The following ATP7B variants were observed in gnomAD, a reference collection of about 807,000 sequenced individuals.
ATP7B encodes the protein ATPase copper transporting beta, also known as copper-transporting ATPase 2.
ATP7B carries 113 observed loss-of-function variants against 118.9 expected under a neutral mutation model. The observed-to-expected ratio is 0.95, with a 90% CI of 0.82 to 1.11. ATP7B has a LOEUF of 1.11. Ranked by LOEUF, ATP7B falls within the 50% of genes most tolerant of loss-of-function variation. ATP7B has a pLI of 0.00. For missense variants in ATP7B, 1,867 were observed against 1,871.4 expected (o/e 1.00, Z 0.04); for synonymous variants, 777 against 727.4 (o/e 1.07, Z -1.10).
intron 1 of ATP7B, among the ~76,000 whole-genome samples, chr13:51,988,514 T>C (rs947464525): frequency 6.6e-6 from 1 of 152,202 alleles, no homozygotes. Context: ...CTCAAGGATC[T>C]AGAACCAGAA....
At chr13:51,972,267 C>G (rs1399198349) in intron 2 of ATP7B, among the ~76,000 whole-genome samples, 1 of 152,180 alleles carries the variant, frequency 6.6e-6, no homozygotes, top group Non-Finnish European at 1.5e-5. Context: ...AATGGCCTCC[C>G]CTAGTTAACC....
chr13:51,985,394 C>T (rs1952607640), intron 1 of ATP7B, among the ~76,000 whole-genome samples: 1 of 152,204 alleles, frequency 6.6e-6, no homozygotes, highest in Non-Finnish European at 1.5e-5. Context: ...GCACCCAATA[C>T]AGGAACACCC....
intron 1 of ATP7B, 75 bp from the exon 2 acceptor site, chr13:51,975,243 T>C: frequency 3.8e-6 from 6 of 1,561,904 alleles, no homozygotes; most frequent in Non-Finnish European, 5.3e-6. Flanking sequence ...TCTCTGGCAC[T>C]GAGAAAATGG....
At chr13:51,970,857 C>T (rs1190360486) in intron 2 of ATP7B, 108 bp from the exon 3 acceptor site, 26 of 1,059,332 alleles carry the variant, frequency 2.5e-5, no homozygotes, top group Admixed American at 4.2e-5. Flanking sequence ...CGGCTCCCAC[C>T]GAGCAGCCTC....
intron 8 of ATP7B, 168 bp downstream of exon 8, chr13:51,958,143 C>T (rs1958474621): frequency 2.7e-6 from 2 of 747,532 alleles, no homozygotes; most frequent in African/African-American, 1.8e-5. Context: ...AAGTAGTGAC[C>T]AATTTGGAGA....
Position 51,970,662 on chromosome 13 carries a change from T to TC in ATP7B, c.1372dup (p.Glu458GlyfsTer48). On this transcript the variant is annotated frameshift_variant, in exon 3 of 21. Transcript: ENST00000242839. LOFTEE classifies it high-confidence loss of function. Reference sequence around the variant, plus strand: ...GAGCCTCCCAGTGTGGGGAGCCACTTCCTGCACAGATGTAGGTGTACCATC... The same window carrying TC: ...GAGCCTCCCAGTGTGGGGAGCCACTTCCCTGCACAGATGTAGGTGTACCATC... 6.2e-7 allele frequency: 1 copy of TC among 1,614,192 alleles called. No individual in the cohort carries two copies. Among genetic ancestry groups the TC allele is most frequent in the Non-Finnish European group, 8.5e-7 (1 of 1,180,020 alleles).
chr13:51,960,653 G>A (rs563700239), intron 6 of ATP7B, among the ~76,000 whole-genome samples: 38 of 152,256 alleles, frequency 2.5e-4, no homozygotes, highest in African/African-American at 8.9e-4. Context: ...TACCATCCTC[G>A]GCCTATGGTT....
At chr13:51,976,482 G>A (rs1245316885) in intron 1 of ATP7B, among the ~76,000 whole-genome samples, 1 of 152,216 alleles carries the variant, frequency 6.6e-6, no homozygotes, top group Non-Finnish European at 1.5e-5. Context: ...GAATAATTAA[G>A]TAATTTGGGG....
chr13:51,982,280 T>G (rs1266248060), intron 1 of ATP7B, among the ~76,000 whole-genome samples: 1 of 152,244 alleles, frequency 6.6e-6, no homozygotes, highest in Non-Finnish European at 1.5e-5. Flanking sequence ...TGTTTAAATA[T>G]CTGTCTTTCC....
At chr13:52,010,458 CA>C (rs1270801466) in intron 1 of ATP7B, among the ~76,000 whole-genome samples, 7 of 152,168 alleles carry the variant, frequency 4.6e-5, no homozygotes, top group African/African-American at 1.7e-4. Context: ...AAAAAAGTAG[CA>C]AACAGAACGT....
intron 5 of ATP7B, among the ~76,000 whole-genome samples, chr13:51,963,438 C>T (rs1958879780): frequency 6.6e-6 from 1 of 151,952 alleles, no homozygotes; most frequent in South Asian, 2.1e-4. Flanking sequence ...ATTTCCATGT[C>T]AAAAAGCTTT....
chr13:51,987,242 T>G (rs1283222429), intron 1 of ATP7B, among the ~76,000 whole-genome samples: 1 of 152,204 alleles, frequency 6.6e-6, no homozygotes, highest in Admixed American at 6.5e-5. Flanking sequence ...AAAATCAATG[T>G]GCAAAAATCA....
intron 12 of ATP7B, 168 bp from the exon 13 acceptor site, chr13:51,946,646 C>T (rs1593682621): frequency 1.3e-6 from 1 of 743,294 alleles, no homozygotes; most frequent in South Asian, 1.6e-5. Context: ...GAACACGTTA[C>T]TGCTCTCCAC....
rs768698497 is a variant in ATP7B at position 51,974,205 on chromosome 13, T to C, written c.1015A>G (p.Arg339Gly). Reference sequence around the variant, plus strand: ...CCAGGGGAATGAGAACTGGAAGACCTGTGATCTGTCCCACTCCCTTCGGCT... The same window carrying C: ...CCAGGGGAATGAGAACTGGAAGACCCGTGATCTGTCCCACTCCCTTCGGCT... ...DGAEGSGTDH[R>G]SSSSHSPGSP... The change falls in exon 2 of 21, where the codon AGG (arginine) becomes GGG (glycine). Residue 339 changes from arginine to glycine, a missense_variant. Transcript: ENST00000242839. The C allele has an allele frequency of 6.8e-6, 11 of 1,613,778 alleles. No homozygotes were observed. The Admixed American group carries it at 1.7e-4, about 24-fold the overall frequency.
intron 3 of ATP7B, 141 bp downstream of exon 3, chr13:51,970,351 A>T: frequency 8.4e-7 from 1 of 1,191,312 alleles, no homozygotes; most frequent in Non-Finnish European, 1.2e-6. Flanking sequence ...CAAGGACATT[A>T]GACAAACATT....
At chr13:52,011,685 C>CA (rs916066174), upstream of ATP7B, among the ~76,000 whole-genome samples, 13 of 152,248 alleles carry the variant, frequency 8.5e-5, no homozygotes, top group African/African-American at 2.9e-4. Context: ...GCCGGTGCCA[C>CA]AGTGTTCTCT....
intron 1 of ATP7B, among the ~76,000 whole-genome samples, chr13:51,996,992 C>A (rs917507045): frequency 2.0e-5 from 3 of 152,230 alleles, no homozygotes; most frequent in African/African-American, 7.2e-5. Context: ...AGGCCTTGAG[C>A]CCCAACCCTA....
Position 51,958,474 on chromosome 13 carries a change from A to G in ATP7B, c.2192T>C (p.Val731Ala). The change falls in exon 8 of 21, where the codon GTG becomes GCG. Residue 731 changes from valine (V) to alanine (A), a missense_variant. Val to Ala is a moderately conservative substitution (Grantham distance 64). Coordinates refer to ENST00000242839, the MANE Select transcript of ATP7B (RefSeq NM_000053.4). ...SLRHRSANMDVLIVLATSIAY... is the reference protein window; with the variant it reads ...SLRHRSANMDALIVLATSIAY... ...AATGCTTGTGGCCAGGACGATGAGC[A>G]CGTCCATGTTGGCTGACCTGTGTCT... 6.2e-7 allele frequency: 1 copy of G among 1,614,248 alleles called. No homozygotes were observed. The highest frequency in any genetic ancestry group is 8.5e-7 in the Non-Finnish European group (1 of 1,180,044).
At chr13:51,938,961 T>C (rs1402965735) in intron 17 of ATP7B, 90 bp downstream of exon 17, 2 of 1,591,042 alleles carry the variant, frequency 1.3e-6, no homozygotes, top group Non-Finnish European at 1.7e-6. Flanking sequence ...AGAGCAGGAG[T>C]ACAGCTCAGT....
Sources: allele counts gnomAD v4.1 joint callset (sites outside exome capture counted in the v4.1 genomes callset), GRCh38; gene constraint gnomAD v4.1.1; transcripts MANE v1.5; gene names NCBI Gene and HGNC (gene_info 2026-07-23, HGNC 2026-07-21).